CDKAL1: variants seen among roughly 807,000 people sequenced by gnomAD.
The protein encoded by CDKAL1 is threonylcarbamoyladenosine tRNA methylthiotransferase.
CDKAL1 carries 32 observed loss-of-function variants against 68.2 expected under a neutral mutation model. The ratio of observed to expected loss-of-function variants is 0.47; its 90% CI spans 0.35 to 0.63. The LOEUF is 0.63. CDKAL1 is among the 30% of genes least tolerant of loss of function. The probability of loss-of-function intolerance (pLI) is 0.00; values close to 1 mark genes in which losing one functional copy is unlikely to be tolerated. For missense variants in CDKAL1, 606 were observed against 696.7 expected (o/e 0.87, Z 1.47); for synonymous variants, 234 against 244.3 (o/e 0.96, Z 0.39).
chr6:20,628,645 C>G (rs987316215), intron 4 of CDKAL1, among the ~76,000 whole-genome samples: 6 of 115,536 alleles, frequency 5.2e-5, no homozygotes, highest in Non-Finnish European at 1.1e-4. Context: ...TAAAACCAAC[C>G]CTTATTTTAC....
At position 20,730,494 on chromosome 6, in the gene CDKAL1, AAAAG is replaced by A. The variant is rs143289855; in HGVS notation, c.372-9007_372-9004del. ...AAGAAGGAAGGAAGGAAAGAAAAAG[AAAAG>A]AAAGAAAGAAAGAAAGAGATTACAT... is the stretch of plus-strand genomic sequence containing the variant. On this transcript the variant is annotated intron_variant, in intron 5 of 15. Transcript: ENST00000274695. Among the ~76,000 whole-genome samples the A allele has an allele frequency of 4.8e-4, 73 of 151,290 alleles. No homozygotes were observed. In the Middle Eastern group the frequency reaches 0.01, roughly 21 times the overall value.
chr6:21,027,122 C>T (rs1306351803), intron 11 of CDKAL1, among the ~76,000 whole-genome samples: 6 of 152,112 alleles, frequency 3.9e-5, no homozygotes, highest in Non-Finnish European at 5.9e-5. Context: ...CAGCCACCCC[C>T]GCCCTACCTC....
At position 21,000,332 on chromosome 6, in the gene CDKAL1, G is replaced by A; in HGVS notation, c.1015G>A (p.Val339Met). 1 of 1,613,858 alleles carries A rather than the reference G, an allele frequency of 6.2e-7. No individual in the cohort carries two copies. Among genetic ancestry groups the A allele is most frequent in the Non-Finnish European group, 8.5e-7 (1 of 1,179,768 alleles). ...VLMEMKREYCVADFKRVVDFL... is the reference protein window; with the variant it reads ...VLMEMKREYCMADFKRVVDFL... ...CATGGAAATGAAAAGAGAATACTGTGTGGCTGACTTCAAAAGAGTAGTGGA... is the reference window on the plus strand; with the variant it reads ...CATGGAAATGAAAAGAGAATACTGTATGGCTGACTTCAAAAGAGTAGTGGA... The change falls in exon 11 of 16, where the codon GTG becomes ATG. Residue 339 changes from valine to methionine, a missense_variant. Transcript: ENST00000274695.
chr6:20,704,274 C>T (rs1018965637), intron 5 of CDKAL1, among the ~76,000 whole-genome samples: 11 of 152,070 alleles, frequency 7.2e-5, no homozygotes, highest in Non-Finnish European at 1.3e-4. Flanking sequence ...AGAAAGGTAA[C>T]ATGTAAGTCT....
chr6:20,782,827 G>T (rs1408828918), intron 8 of CDKAL1, among the ~76,000 whole-genome samples: 1 of 152,192 alleles, frequency 6.6e-6, no homozygotes, highest in Admixed American at 6.5e-5. Context: ...TGACAGTTTA[G>T]TGGGACTATG....
chr6:20,566,032 T>A (rs1764447225), intron 4 of CDKAL1, among the ~76,000 whole-genome samples: 1 of 151,990 alleles, frequency 6.6e-6, no homozygotes, highest in Admixed American at 6.5e-5. Context: ...ACAAAGATAG[T>A]TAAGTGTCCC....
At chr6:20,864,785 A>G (rs1469423160) in intron 9 of CDKAL1, among the ~76,000 whole-genome samples, 1 of 152,172 alleles carries the variant, frequency 6.6e-6, no homozygotes, top group Non-Finnish European at 1.5e-5. Flanking sequence ...ATTCTTAAAC[A>G]TCGACTTCAG....
rs1331945336 is a variant in CDKAL1, at chr6:21,198,080, T to TG, written c.1360dup (p.Ala454GlyfsTer7). 6.2e-7 allele frequency: 1 copy of TG among 1,603,256 alleles called. No homozygotes were observed. Among genetic ancestry groups the TG allele is most frequent in the Non-Finnish European group, 8.5e-7 (1 of 1,174,570 alleles). On this transcript the variant is annotated frameshift_variant, in exon 14 of 16. Transcript: ENST00000274695. LOFTEE classifies it high-confidence loss of function. Reference sequence around the variant, plus strand: ...AATCTTTTGATTCCAAGTTTTATGTTGCACACAATCAATTCTATGAGCAGG... The same window carrying TG: ...AATCTTTTGATTCCAAGTTTTATGTTGGCACACAATCAATTCTATGAGCAGG...
chr6:20,672,279 T>TC (rs1428434614), intron 5 of CDKAL1, among the ~76,000 whole-genome samples: 123 of 135,882 alleles, frequency 9.1e-4, no homozygotes, highest in Non-Finnish European at 1.7e-3. Context: ...TTTTTCTTTC[T>TC]TTCTCTCTCT....
chr6:21,152,851 C>T (rs1044917845), intron 13 of CDKAL1, among the ~76,000 whole-genome samples: 1 of 152,190 alleles, frequency 6.6e-6, no homozygotes, highest in African/African-American at 2.4e-5. Flanking sequence ...CTACGCAGAT[C>T]CAAGGAAGGA....
intron 4 of CDKAL1, among the ~76,000 whole-genome samples, chr6:20,560,731 G>A (rs971216013): frequency 2.0e-5 from 3 of 152,184 alleles, no homozygotes; most frequent in African/African-American, 7.2e-5. Context: ...TGATGGTTAA[G>A]GGGGAAGTGA....
intron 4 of CDKAL1, among the ~76,000 whole-genome samples, chr6:20,647,790 T>C (rs1300227781): frequency 1.3e-5 from 2 of 152,090 alleles, no homozygotes; most frequent in Admixed American, 1.3e-4. Flanking sequence ...GGCTGCTGGG[T>C]GGCAAATTAG....
chr6:21,017,832 T>C (rs1478271787), intron 11 of CDKAL1, among the ~76,000 whole-genome samples: 1 of 152,118 alleles, frequency 6.6e-6, no homozygotes, highest in Non-Finnish European at 1.5e-5. Flanking sequence ...ATTTTCTTTC[T>C]TGGGTTTAAT....
intron 5 of CDKAL1, among the ~76,000 whole-genome samples, chr6:20,712,482 A>C (rs1379997867): frequency 6.6e-6 from 1 of 151,614 alleles, no homozygotes; most frequent in East Asian, 1.9e-4. Flanking sequence ...TTCAATACCT[A>C]ATCAGTGTGC....
intron 7 of CDKAL1, among the ~76,000 whole-genome samples, chr6:20,761,174 T>C (rs1774446876): frequency 6.6e-6 from 1 of 152,240 alleles, no homozygotes; most frequent in Non-Finnish European, 1.5e-5. Flanking sequence ...ACATCGTATG[T>C]CTGTCATTAG....
intron 12 of CDKAL1, among the ~76,000 whole-genome samples, chr6:21,079,976 CTGTGTGTG>C (rs764266426): frequency 3.7e-5 from 5 of 135,750 alleles, no homozygotes; most frequent in South Asian, 5.1e-4. Context: ...AACTTTGTCT[CTGTGTGTG>C]TGTGTGTGTG....
At chr6:20,773,408 G>A (rs758783482) in intron 7 of CDKAL1, among the ~76,000 whole-genome samples, 1 of 152,198 alleles carries the variant, frequency 6.6e-6, no homozygotes, top group Non-Finnish European at 1.5e-5. Flanking sequence ...GACACTTAAA[G>A]TGGTAACTAT....
In CDKAL1 at chr6:20,956,266, T is replaced by TA. The variant is rs377732148; in HGVS notation, c.909+682dup. ...ATTCTGAGATCCCTGATTTTGTTTT[T>TA]ATACTTTTCCACAGATCGGGATGCT... On this transcript the variant is annotated intron_variant, in intron 10 of 15. Coordinates refer to ENST00000274695, the MANE Select transcript of CDKAL1 (RefSeq NM_017774.3). 7.7e-4 allele frequency among the ~76,000 whole-genome samples: 117 copies of TA among 152,344 alleles called. 1 individual carries two copies. The highest frequency in any genetic ancestry group is 2.7e-3 in the African/African-American group (112 of 41,584).
Position 20,649,281 on chromosome 6 carries a change from T to C in CDKAL1, c.287-12T>C. On this transcript the variant is annotated splice_polypyrimidine_tract_variant and intron_variant, in intron 4 of 15. Coordinates refer to ENST00000274695, the MANE Select transcript of CDKAL1 (RefSeq NM_017774.3). ...GCTACTTACTTCTTTTTTGTGTTCA[T>C]TTTTTTAATAGAAAATGCATCCGAT... 1.3e-6 allele frequency: 2 copies of C among 1,586,786 alleles called. No homozygotes were observed. Among genetic ancestry groups the C allele is most frequent in the Non-Finnish European group, 1.7e-6 (2 of 1,160,936 alleles).
Sources: allele counts gnomAD v4.1 joint callset (sites outside exome capture counted in the v4.1 genomes callset), GRCh38; gene constraint gnomAD v4.1.1; transcripts MANE v1.5; gene names NCBI Gene and HGNC (gene_info 2026-07-23, HGNC 2026-07-21).